ATP9A: variants seen among roughly 807,000 people sequenced by gnomAD.
ATP9A encodes the protein probable phospholipid-transporting ATPase IIA.
A neutral mutation model predicts 144.1 loss-of-function variants in ATP9A; 52 were observed. The ratio of observed to expected loss-of-function variants is 0.36; its 90% CI spans 0.29 to 0.45. The LOEUF (loss-of-function observed/expected upper bound fraction) is 0.45. ATP9A is among the 20% of genes least tolerant of loss of function. The pLI, the probability that ATP9A is intolerant of heterozygous loss-of-function variation, is 1.00. For synonymous variants in ATP9A, 582 were observed against 557.4 expected, an observed-to-expected ratio of 1.04 and a Z score of -0.62; for missense variants, 947 against 1,392.7, an observed-to-expected ratio of 0.68 and a Z score of 5.09.
At chr20:51,657,730 C>T (rs1441111272) in intron 13 of ATP9A, among the ~76,000 whole-genome samples, 1 of 152,192 alleles carries the variant, frequency 6.6e-6, no homozygotes, top group African/African-American at 2.4e-5. Flanking sequence ...CATCTGGTAC[C>T]GTATGCAAGT....
chr20:51,636,246 G>A (rs1326810771), intron 15 of ATP9A, among the ~76,000 whole-genome samples: 1 of 152,182 alleles, frequency 6.6e-6, no homozygotes, highest in Non-Finnish European at 1.5e-5. Context: ...ACACTAGACA[G>A]ATGATTCATG....
At chr20:51,719,451 T>C (rs938937225) in intron 3 of ATP9A, among the ~76,000 whole-genome samples, 7 of 152,048 alleles carry the variant, frequency 4.6e-5, no homozygotes, top group Non-Finnish European at 8.8e-5. Flanking sequence ...AGAAGAAACA[T>C]GGGCCAGGCG....
intron 9 of ATP9A, among the ~76,000 whole-genome samples, chr20:51,678,171 C>G (rs964855943): frequency 6.6e-6 from 1 of 151,970 alleles, no homozygotes; most frequent in Non-Finnish European, 1.5e-5. Context: ...GCAGTTTGTA[C>G]TGTCTCCATT....
At chr20:51,624,115 C>T (rs1023881529) in intron 18 of ATP9A, among the ~76,000 whole-genome samples, 2 of 152,202 alleles carry the variant, frequency 1.3e-5, no homozygotes. Flanking sequence ...GCCAGACTTC[C>T]GGAAGCAAGG....
chr20:51,612,676 C>T (rs2077189156), intron 23 of ATP9A, among the ~76,000 whole-genome samples: 1 of 152,158 alleles, frequency 6.6e-6, no homozygotes. Context: ...CTGCCCACCT[C>T]GGCCTCCCAA....
chr20:51,617,407 A>G, intron 22 of ATP9A, 83 bp downstream of exon 22: 1 of 1,385,890 alleles, frequency 7.2e-7, no homozygotes, highest in Non-Finnish European at 1.0e-6. Flanking sequence ...TGGAATTTCC[A>G]GAAGGCTTAA....
chr20:51,642,776 T>G, intron 14 of ATP9A, among the ~76,000 whole-genome samples: 1 of 127,688 alleles, frequency 7.8e-6, no homozygotes, highest in Admixed American at 8.1e-5. Flanking sequence ...CTGGCGTTCC[T>G]CTTGAGTTCC....
intron 1 of ATP9A, among the ~76,000 whole-genome samples, chr20:51,748,370 CA>C (rs1321264795): frequency 6.6e-6 from 1 of 152,100 alleles, no homozygotes; most frequent in Non-Finnish European, 1.5e-5. Context: ...GGAGAAAAAA[CA>C]ATGAATGAAA....
At chr20:51,725,275 A>G (rs1006725540) in intron 3 of ATP9A, among the ~76,000 whole-genome samples, 2 of 152,040 alleles carry the variant, frequency 1.3e-5, no homozygotes, top group African/African-American at 2.4e-5. Context: ...GGCACGTCCC[A>G]CCACACCCCA....
Position 51,599,329 on chromosome 20 carries a change from A to G in ATP9A, c.*1882T>C, listed in dbSNP as rs1601046139. ...GTGTTACAGACTGATTTCCAAGAAA[A>G]CGGAGGCTTAAAAACTTCCAGCACA... is the stretch of plus-strand genomic sequence containing the variant. On this transcript the variant is annotated 3_prime_UTR_variant, in exon 28 of 28. Transcript: ENST00000338821. The G allele has an allele frequency of 6.6e-6, 1 of 152,242 alleles. No individual in the cohort carries two copies. Among genetic ancestry groups the G allele is most frequent in the East Asian group, 1.9e-4 (1 of 5,204 alleles). 9.4% of individuals were successfully genotyped at this position (152,242 alleles called of 1,614,324 possible). A position where few individuals can be genotyped will look rare whatever the true frequency, so the allele number is the denominator to read the frequency against.
intron 27 of ATP9A, among the ~76,000 whole-genome samples, chr20:51,604,087 A>AT (rs1443106909): frequency 6.6e-6 from 1 of 151,950 alleles, no homozygotes; most frequent in Admixed American, 6.6e-5. Flanking sequence ...CCTCCATAAC[A>AT]TTTTTTATTT....
At chr20:51,746,939 G>A (rs146581355) in intron 1 of ATP9A, among the ~76,000 whole-genome samples, 2,283 of 141,048 alleles carry the variant, frequency 0.016, 63 homozygotes, top group African/African-American at 0.057. Context: ...CCAGGAGGCG[G>A]AGGTTGCAGT....
chr20:51,765,650 A>AAAAAAAAAG (rs2077900618), intron 1 of ATP9A, among the ~76,000 whole-genome samples: 1 of 150,824 alleles, frequency 6.6e-6, no homozygotes, highest in Non-Finnish European at 1.5e-5. Flanking sequence ...CTCAAAAAAA[A>AAAAAAAAAG]AAAACAGAAT....
At chr20:51,620,484 G>A (rs1160848894) in intron 19 of ATP9A, among the ~76,000 whole-genome samples, 3 of 152,118 alleles carry the variant, frequency 2.0e-5, no homozygotes, top group African/African-American at 7.2e-5. Flanking sequence ...CTTATTTTAT[G>A]TGCGTTTCTA....
chr20:51,732,803 G>C (rs1271842376), intron 1 of ATP9A, among the ~76,000 whole-genome samples: 1 of 152,006 alleles, frequency 6.6e-6, no homozygotes, highest in Non-Finnish European at 1.5e-5. Flanking sequence ...AGGAAGCAAA[G>C]AGGGAGGGGG....
At chr20:51,632,102 C>T (rs1206588348) in intron 15 of ATP9A, among the ~76,000 whole-genome samples, 1 of 152,056 alleles carries the variant, frequency 6.6e-6, no homozygotes, top group Non-Finnish European at 1.5e-5. Flanking sequence ...CAGGGTCTTG[C>T]TGTGTTGCCC....
At chr20:51,601,660 C>G (rs950702651) in intron 27 of ATP9A, among the ~76,000 whole-genome samples, 1 of 152,236 alleles carries the variant, frequency 6.6e-6, no homozygotes, top group Non-Finnish European at 1.5e-5. Flanking sequence ...AATCCCAGCA[C>G]TCTGGGAGGC....
intron 1 of ATP9A, among the ~76,000 whole-genome samples, chr20:51,765,886 G>A (rs528398326): frequency 1.5e-3 from 227 of 152,138 alleles, no homozygotes; most frequent in Admixed American, 2.7e-3. Flanking sequence ...GAACCCAGGA[G>A]GCAGAGGTTG....
At chr20:51,676,467 C>A (rs2077477701) in intron 9 of ATP9A, among the ~76,000 whole-genome samples, 1 of 152,040 alleles carries the variant, frequency 6.6e-6, no homozygotes, top group South Asian at 2.1e-4. Context: ...ACCACCATGC[C>A]TGGCTAACTT....
Sources: allele counts gnomAD v4.1 joint callset (sites outside exome capture counted in the v4.1 genomes callset), GRCh38; gene constraint gnomAD v4.1.1; transcripts MANE v1.5; gene names NCBI Gene and HGNC (gene_info 2026-07-23, HGNC 2026-07-21).